The following RHCE variants were observed in gnomAD, a reference collection of about 807,000 sequenced individuals.
RHCE encodes Rh blood group CcEe antigens, also known as blood group Rh(CE) polypeptide.
RHCE carries 22 observed loss-of-function variants against 43.8 expected under a neutral mutation model. The observed-to-expected ratio is 0.50, with a 90% CI of 0.36 to 0.72. The LOEUF (loss-of-function observed/expected upper bound fraction) is 0.72. Ranked by LOEUF, RHCE falls within the 30% of genes least tolerant of loss-of-function variation. The probability of loss-of-function intolerance (pLI) is 0.00; values close to 1 mark genes in which losing one functional copy is unlikely to be tolerated. For synonymous variants in RHCE, 156 were observed against 210.7 expected, an observed-to-expected ratio of 0.74 and a Z score of 2.25; for missense variants, 385 against 525.4, an observed-to-expected ratio of 0.73 and a Z score of 2.61.
chr1:25,418,488 A>G (rs1367457741), intron 1 of RHCE, among the ~76,000 whole-genome samples: 1 of 151,946 alleles, frequency 6.6e-6, no homozygotes, highest in African/African-American at 2.4e-5. Flanking sequence ...ATTTTAGTAG[A>G]GATGGGGTTT....
chr1:25,379,890 C>A (rs1645942107), intron 7 of RHCE, among the ~76,000 whole-genome samples: 1 of 152,034 alleles, frequency 6.6e-6, no homozygotes, highest in Non-Finnish European at 1.5e-5. Context: ...GTTGCCTAGG[C>A]TGGTCTTGAA....
chr1:25,396,562 T>G (rs1254246432), intron 3 of RHCE, among the ~76,000 whole-genome samples: 1 of 152,150 alleles, frequency 6.6e-6, no homozygotes, highest in African/African-American at 2.4e-5. Flanking sequence ...TCAGGAAACT[T>G]ACAATCATGG....
chr1:25,391,205 GA>G (rs1646350363), intron 4 of RHCE, among the ~76,000 whole-genome samples: 1 of 152,086 alleles, frequency 6.6e-6, no homozygotes, highest in African/African-American at 2.4e-5. Flanking sequence ...TTTTAATTGA[GA>G]TGGACTCTTG....
At chr1:25,415,784 C>A (rs1647364196) in intron 1 of RHCE, among the ~76,000 whole-genome samples, 2 of 151,496 alleles carry the variant, frequency 1.3e-5, no homozygotes, top group African/African-American at 2.4e-5. Context: ...AAGAGGTTGA[C>A]TAATCTGCCC....
intron 1 of RHCE, chr1:25,411,319 A>G: frequency 2.6e-6 from 4 of 1,550,288 alleles, no homozygotes; most frequent in Non-Finnish European, 3.5e-6. Context: ...CATCATGACA[A>G]TCACAGCAAT....
upstream of RHCE, among the ~76,000 whole-genome samples, chr1:25,424,811 T>C (rs2124557111): frequency 6.6e-6 from 1 of 152,236 alleles, no homozygotes; most frequent in African/African-American, 2.4e-5. Context: ...AGTCTATATT[T>C]TTACTTGTGT....
At chr1:25,421,816 G>A (rs1384471301), upstream of RHCE, among the ~76,000 whole-genome samples, 1 of 152,194 alleles carries the variant, frequency 6.6e-6, no homozygotes, top group Admixed American at 6.5e-5. Flanking sequence ...AGGAATTGGA[G>A]TTTCCTCATT....
chr1:25,392,180 C>T (rs778641970), intron 3 of RHCE, 39 bp from the exon 4 acceptor site: 1 of 1,613,912 alleles, frequency 6.2e-7, no homozygotes, highest in Non-Finnish European at 8.5e-7. Context: ...GTGTCGGCAT[C>T]CTCTGCCCAG....
At chr1:25,412,251 T>C (rs553396728) in intron 1 of RHCE, among the ~76,000 whole-genome samples, 4 of 152,366 alleles carry the variant, frequency 2.6e-5, no homozygotes, top group Non-Finnish European at 5.9e-5. Context: ...TAAGCGATCT[T>C]AGGCAAGTCC....
intron 3 of RHCE, among the ~76,000 whole-genome samples, chr1:25,397,727 G>C (rs548986573): frequency 6.7e-6 from 1 of 150,170 alleles, no homozygotes; most frequent in Non-Finnish European, 1.5e-5. Flanking sequence ...CTTCCCTCTC[G>C]GCTCCTTGAC....
intron 6 of RHCE, 107 bp downstream of exon 6, chr1:25,388,869 A>C: frequency 6.3e-7 from 1 of 1,578,688 alleles, no homozygotes; most frequent in African/African-American, 1.3e-5. Flanking sequence ...AAGAGAATGC[A>C]CCAACACCTG....
intron 8 of RHCE, 118 bp downstream of exon 8, chr1:25,375,228 AATT>A: frequency 2.0e-6 from 2 of 995,708 alleles, no homozygotes; most frequent in Non-Finnish European, 3.2e-6. Context: ...CCAATTCTGA[AATT>A]ATGTGATCCT....
At chr1:25,394,877 A>C (rs1164978250) in intron 3 of RHCE, among the ~76,000 whole-genome samples, 5 of 151,910 alleles carry the variant, frequency 3.3e-5, no homozygotes, top group Non-Finnish European at 7.4e-5. Flanking sequence ...TGGTGCACTG[A>C]AATGACTCTG....
rs758079594 is a variant in RHCE at position 25,392,023 on chromosome 1, G to A, written c.605C>T (p.Ala202Val). Reference protein sequence around the residue: ...PKGTEDNDQRATIPSLSAMLG... With the variant: ...PKGTEDNDQRVTIPSLSAMLG... ...CATGGCAGACAAACTGGGTATCGTT[G>A]CTCTCTGATCATTATCCTCCGTTCC... Residue 202 changes from alanine to valine, a missense_variant, in exon 4 of 10, where the codon GCA becomes GTA. Transcript: ENST00000294413. The A allele has an allele frequency of 6.2e-7, 1 of 1,614,134 alleles. No individual in the cohort carries two copies. The highest frequency in any genetic ancestry group is 8.5e-7 in the Non-Finnish European group (1 of 1,180,008).
At chr1:25,423,291 A>G (rs527430253), upstream of RHCE, among the ~76,000 whole-genome samples, 1 of 152,190 alleles carries the variant, frequency 6.6e-6, no homozygotes, top group African/African-American at 2.4e-5. Flanking sequence ...ACCCCTGCTA[A>G]CCTGGGCCCA....
intron 2 of RHCE, among the ~76,000 whole-genome samples, chr1:25,405,249 T>G (rs1646880246): frequency 6.6e-6 from 1 of 152,118 alleles, no homozygotes; most frequent in Admixed American, 6.5e-5. Flanking sequence ...TCCCAGCTAC[T>G]TAGGAGGCTG....
At chr1:25,421,852 C>T (rs2042763670), upstream of RHCE, among the ~76,000 whole-genome samples, 1 of 152,166 alleles carries the variant, frequency 6.6e-6, no homozygotes, top group African/African-American at 2.4e-5. Context: ...AGCCACTGGC[C>T]ACTGAGTGTA....
At chr1:25,401,938 G>A (rs1301095230) in intron 3 of RHCE, among the ~76,000 whole-genome samples, 5 of 151,756 alleles carry the variant, frequency 3.3e-5, no homozygotes, top group African/African-American at 7.3e-5. Context: ...GTGCAATGGC[G>A]CGATCTCAGT....
chr1:25,401,388 C>G (rs927045863), intron 3 of RHCE, among the ~76,000 whole-genome samples: 1 of 152,144 alleles, frequency 6.6e-6, no homozygotes, highest in East Asian at 1.9e-4. Context: ...TTCTTCTAAG[C>G]CAGGCTGGAA....
Sources: allele counts gnomAD v4.1 joint callset (sites outside exome capture counted in the v4.1 genomes callset), GRCh38; gene constraint gnomAD v4.1.1; transcripts MANE v1.5; gene names NCBI Gene and HGNC (gene_info 2026-07-23, HGNC 2026-07-21).